DKC1: variants seen among roughly 807,000 people sequenced by gnomAD.
The protein encoded by DKC1 is H/ACA ribonucleoprotein complex subunit DKC1.
In DKC1, 4 loss-of-function variants were observed where a neutral mutation model predicts 46.7. The ratio of observed to expected loss-of-function variants is 0.09; its 90% CI spans 0.04 to 0.20. DKC1 has a LOEUF of 0.20. DKC1 is among the 10% of genes least tolerant of loss of function. The probability of loss-of-function intolerance (pLI) is 1.00; values close to 1 mark genes in which losing one functional copy is unlikely to be tolerated. For synonymous variants in DKC1, 141 were observed against 142.4 expected, an observed-to-expected ratio of 0.99 and a Z score of 0.07; for missense variants, 171 against 404.2, an observed-to-expected ratio of 0.42 and a Z score of 4.95.
At chrX:154,763,553 C>T (rs1244732872) in intron 1 of DKC1, among the ~76,000 whole-genome samples, 1 of 112,212 alleles carries the variant, frequency 8.9e-6, no homozygotes, top group Non-Finnish European at 1.9e-5. Flanking sequence ...GGGAAGCCGA[C>T]ACGTGCAGTA....
intron 14 of DKC1, 111 bp downstream of exon 14, chrX:154,776,435 G>T (rs781842248): frequency 3.8e-6 from 4 of 1,043,474 alleles, no homozygotes; most frequent in Non-Finnish European, 3.9e-6. Context: ...TGTGGCCTGG[G>T]GGTGGGATGC....
chrX:154,767,930 A>C (rs1458590211), intron 7 of DKC1: 9 of 217,870 alleles, frequency 4.1e-5, no homozygotes, highest in Non-Finnish European at 7.3e-5. Flanking sequence ...GGCTCACTGC[A>C]AACTCTGTCT....
intron 1 of DKC1, among the ~76,000 whole-genome samples, chrX:154,764,571 T>C (rs2071722916): frequency 8.9e-6 from 1 of 111,826 alleles, no homozygotes; most frequent in Non-Finnish European, 1.9e-5. Context: ...ATTTATAAGT[T>C]TTCTATTTTA....
intron 14 of DKC1, among the ~76,000 whole-genome samples, 164 bp from the exon 15 acceptor site, chrX:154,776,635 A>G (rs1375352741): frequency 2.7e-5 from 3 of 112,089 alleles, no homozygotes; most frequent in African/African-American, 9.7e-5. Flanking sequence ...TGTCACTGAA[A>G]GGTTTACAGA....
intron 8 of DKC1, 48 bp from the exon 9 acceptor site, chrX:154,769,119 C>T: frequency 2.5e-6 from 3 of 1,180,275 alleles, no homozygotes; most frequent in Non-Finnish European, 3.4e-6. Flanking sequence ...GTCTGATGGG[C>T]TGAGATACAA....
At chrX:154,768,122 T>A (rs1373273326) in intron 7 of DKC1, 180 bp from the exon 8 acceptor site, 2 of 541,013 alleles carry the variant, frequency 3.7e-6, no homozygotes, top group Non-Finnish European at 3.1e-6. Flanking sequence ...AGTGCTGGAA[T>A]TACAGGCGTG....
intron 10 of DKC1, among the ~76,000 whole-genome samples, chrX:154,772,276 C>T (rs782470789): frequency 7.2e-5 from 8 of 111,727 alleles, no homozygotes; most frequent in South Asian, 7.3e-4. Flanking sequence ...GGGTAGTTTG[C>T]GGATATTTTC....
At chrX:154,771,051 C>G (rs2071817288) in intron 10 of DKC1, among the ~76,000 whole-genome samples, 172 bp downstream of exon 10, 1 of 111,063 alleles carries the variant, frequency 9.0e-6, no homozygotes, top group East Asian at 2.8e-4. Context: ...ACAAACAATC[C>G]TATTTTACTG....
chrX:154,770,740 C>T lies in DKC1; in HGVS notation c.916-19C>T. On this transcript the variant is annotated intron_variant, in intron 9 of 14. Transcript: ENST00000369550. Reference sequence around the variant, plus strand: ...GAGGGCAGCAGCTGGGCCCCTTACACTTGGTGCCATCTCTGCAGGTAAATG... The same window carrying T: ...GAGGGCAGCAGCTGGGCCCCTTACATTTGGTGCCATCTCTGCAGGTAAATG... The T allele has an allele frequency of 8.3e-7, 1 of 1,210,954 alleles. No individual in the cohort carries two copies. The highest frequency in any genetic ancestry group is 3.0e-5 in the East Asian group (1 of 33,836).
rs782159247 is a variant in DKC1, at chrX:154,767,035, A to C, written c.487A>C (p.Ile163Leu). The change falls in exon 6 of 15, where the codon ATT becomes CTT. Residue 163 changes from isoleucine to leucine, a missense_variant. By Grantham distance (5) the Ile-to-Leu change is conservative (BLOSUM62 2). Transcript: ENST00000369550. ...YVGIVRLHNA[I>L]EGGTQLSRAL... ...GGGGATTGTCCGGCTGCACAATGCTATTGAAGGGGGGACCCAGCTTTCTAG... is the reference window on the plus strand; with the variant it reads ...GGGGATTGTCCGGCTGCACAATGCTCTTGAAGGGGGGACCCAGCTTTCTAG... 44 of 1,211,490 alleles carry C rather than the reference A, an allele frequency of 3.6e-5. No individual in the cohort carries two copies. Among genetic ancestry groups the C allele is most frequent in the Non-Finnish European group, 4.9e-5 (44 of 895,246 alleles).
At chrX:154,775,913 G>C (rs1557265633) in intron 13 of DKC1, among the ~76,000 whole-genome samples, 1 of 112,040 alleles carries the variant, frequency 8.9e-6, no homozygotes, top group South Asian at 3.7e-4. Context: ...TTGCAGTCAT[G>C]AGAGAAACAG....
At chrX:154,768,237 G>A (rs2071775455) in intron 7 of DKC1, 65 bp from the exon 8 acceptor site, 1 of 1,176,907 alleles carries the variant, frequency 8.5e-7, no homozygotes, top group East Asian at 3.0e-5. Context: ...AAGGATAACT[G>A]CATTTCTCAA....
Position 154,765,925 on chromosome X carries a change from G to A in DKC1, c.190G>A (p.Val64Ile). The A allele has an allele frequency of 1.7e-6, 2 of 1,208,020 alleles. No homozygotes were observed. The highest frequency in any genetic ancestry group is 2.2e-6 in the Non-Finnish European group (2 of 891,970). ...LLLKNFDKLN[V>I]RTTHYTPLAC... ...TTTGTAGAATTTTGATAAGCTGAAT[G>A]TAAGGACAACACACTATACACCTCT... is the stretch of plus-strand genomic sequence containing the variant. Residue 64 changes from valine (V) to isoleucine (I), a missense_variant, in exon 4 of 15, where the codon GTA becomes ATA. Physicochemically the swap from Val to Ile is conservative, Grantham distance 29. This residue lies in a region of DKC1 where 41 missense variants were observed against 117.3 expected (regional missense o/e 0.35). Coordinates refer to ENST00000369550, the MANE Select transcript of DKC1 (RefSeq NM_001363.5).
chrX:154,776,459 T>C, intron 14 of DKC1, 135 bp downstream of exon 14: 4 of 927,793 alleles, frequency 4.3e-6, no homozygotes, highest in Non-Finnish European at 6.1e-6. Context: ...CGAGTGCCTT[T>C]AGTGCTTCCC....
At chrX:154,770,618 C>G in intron 9 of DKC1, 141 bp from the exon 10 acceptor site, 1 of 784,338 alleles carries the variant, frequency 1.3e-6, no homozygotes. Context: ...CCACTCATGC[C>G]CCTTGCAGCT....
rs782697778 is a variant in DKC1 at position 154,767,279 on chromosome X, C to G, written c.537C>G (p.Ala179=). The change falls in exon 7 of 15, where the codon GCC becomes GCG. Residue 179 remains alanine (A), a synonymous_variant. Coordinates refer to ENST00000369550, the MANE Select transcript of DKC1 (RefSeq NM_001363.5). ...AGGCCCTAGAAACTCTGACAGGTGC[C>G]TTATTCCAGCGACCCCCACTTATTG... ...LSRALETLTG[A]LFQRPPLIAA... The G allele has an allele frequency of 2.5e-6, 3 of 1,211,671 alleles. No homozygotes were observed. The highest frequency in any genetic ancestry group is 3.4e-6 in the Non-Finnish European group (3 of 895,439).
At chrX:154,769,334 T>C (rs781858101) in intron 9 of DKC1, 24 bp downstream of exon 9, 30 of 1,201,721 alleles carry the variant, frequency 2.5e-5, no homozygotes, top group Non-Finnish European at 3.3e-5. Context: ...TAGGAGTTTA[T>C]ATTTGGAAAG....
intron 2 of DKC1, chrX:154,765,220 C>A: frequency 2.1e-6 from 1 of 480,017 alleles, no homozygotes; most frequent in Non-Finnish European, 3.7e-6. Flanking sequence ...CCCACAGACC[C>A]GCCATCCCCC....
intron 1 of DKC1, among the ~76,000 whole-genome samples, chrX:154,763,950 G>A (rs782434181): frequency 9.0e-6 from 1 of 111,185 alleles, no homozygotes; most frequent in African/African-American, 3.3e-5. Flanking sequence ...CCTGCGGTCA[G>A]GAGTTCAAGA....
Sources: gnomAD v4.1 joint callset for allele counts (sites outside exome capture counted in the v4.1 genomes callset) on GRCh38, gnomAD v4.1.1 for gene constraint, gnomAD v4.1.1 regional missense constraint, MANE v1.5 for transcripts, NCBI Gene and HGNC (gene_info 2026-07-23, HGNC 2026-07-21) for gene names.